The following ATP12A variants were observed in gnomAD, a reference collection of about 807,000 sequenced individuals.
The protein encoded by ATP12A is ATPase H+/K+ transporting non-gastric alpha2 subunit.
In ATP12A, 81 loss-of-function variants were observed where a neutral mutation model predicts 111.2. That is an observed-to-expected ratio of 0.73 (90% CI 0.61 to 0.88). ATP12A has a LOEUF of 0.88. Among genes scored for constraint, ATP12A ranks in the 40% least tolerant of loss-of-function variants. The pLI is 0.00. For synonymous variants in ATP12A, 498 were observed against 499.8 expected (o/e 1.00, Z 0.05); for missense variants, 1,196 against 1,313.1 (o/e 0.91, Z 1.38).
At chr13:24,688,196 T>C in intron 3 of ATP12A, 123 bp from the exon 4 acceptor site, 1 of 1,103,710 alleles carries the variant, frequency 9.1e-7, no homozygotes, top group South Asian at 1.7e-5. Context: ...TCTCGGGACC[T>C]TCTTTGGCCA....
Position 24,709,519 on chromosome 13 carries a change from G to A in ATP12A, c.2617+32G>A, listed in dbSNP as rs2289910. 69 of 1,608,068 alleles carry A rather than the reference G, an allele frequency of 4.3e-5. No individual in the cohort carries two copies. In the African/African-American group the frequency reaches 6.8e-4, roughly 16 times the overall value. On this transcript the variant is annotated intron_variant, in intron 18 of 22. Transcript: ENST00000381946. ...TGAGGGCGCGTCTTCCCCATCACACGAGGGCCTGCCCCGAGAATTCACTGG... is the reference window on the plus strand; with the variant it reads ...TGAGGGCGCGTCTTCCCCATCACACAAGGGCCTGCCCCGAGAATTCACTGG...
chr13:24,702,766 C>T (rs1219899878), intron 14 of ATP12A, among the ~76,000 whole-genome samples: 1 of 152,128 alleles, frequency 6.6e-6, no homozygotes, highest in Non-Finnish European at 1.5e-5. Context: ...GGAATCTTTC[C>T]ATCGAGCCAA....
chr13:24,690,300 C>T (rs1447504261), intron 5 of ATP12A, 38 bp from the exon 6 acceptor site: 1 of 1,608,964 alleles, frequency 6.2e-7, no homozygotes, highest in Non-Finnish European at 8.5e-7. Context: ...CGGTGTCCTT[C>T]CAGGGTCTGA....
chr13:24,711,357 G>C lies in ATP12A; in HGVS notation c.3039G>C (p.Leu1013=), dbSNP rs1339680201. 1.2e-6 allele frequency: 2 copies of C among 1,610,224 alleles called. No homozygotes were observed. The highest frequency in any genetic ancestry group is 1.7e-6 in the Non-Finnish European group (2 of 1,178,064). Residue 1013 remains leucine, a synonymous_variant, in exon 22 of 23, where the codon CTG becomes CTC. Coordinates refer to ENST00000381946, the MANE Select transcript of ATP12A (RefSeq NM_001676.7). ...TTGTGGCTGTGCCGCACGCCATCCT[G>C]ATCTGGGTGTATGATGAGGTGCGGA... ...YWFVAVPHAI[L]IWVYDEVRKL...
chr13:24,707,954 G>A (rs1439364617), intron 17 of ATP12A, among the ~76,000 whole-genome samples: 1 of 151,624 alleles, frequency 6.6e-6, no homozygotes, highest in Non-Finnish European at 1.5e-5. Context: ...CTGAGCTATA[G>A]CAAGCTTTTC....
chr13:24,700,252 C>T (rs1297920377), intron 12 of ATP12A, among the ~76,000 whole-genome samples: 3 of 152,134 alleles, frequency 2.0e-5, no homozygotes, highest in East Asian at 3.9e-4. Flanking sequence ...TCCGCTGAAC[C>T]CCCTTGTTCC....
At chr13:24,706,941 A>G (rs1875679306) in intron 15 of ATP12A, 82 bp from the exon 16 acceptor site, 3 of 1,439,104 alleles carry the variant, frequency 2.1e-6, no homozygotes, top group Non-Finnish European at 2.8e-6. Flanking sequence ...CTCAAGAGAA[A>G]GGGAAGTCTT....
At position 24,709,497 on chromosome 13, in the gene ATP12A, G is replaced by T; in HGVS notation, c.2617+10G>T. ...TCATACCTGCACATTGGTACGATGA[G>T]GGCGCGTCTTCCCCATCACACGAGG... On this transcript the variant is annotated intron_variant, in intron 18 of 22. Coordinates refer to ENST00000381946, the MANE Select transcript of ATP12A (RefSeq NM_001676.7). 7 of 1,611,778 alleles carry T rather than the reference G, an allele frequency of 4.3e-6. No individual in the cohort carries two copies. The highest frequency in any genetic ancestry group is 5.1e-6 in the Non-Finnish European group (6 of 1,178,182).
Position 24,690,725 on chromosome 13 carries a change from A to G in ATP12A, c.799+4A>G. 1 of 1,610,924 alleles carries G rather than the reference A, an allele frequency of 6.2e-7. No individual in the cohort carries two copies. The highest frequency in any genetic ancestry group is 1.1e-5 in the South Asian group (1 of 90,734). The stretch of plus-strand genomic sequence containing the variant: ...TATTCCACAACGTGTCTGGAAGGTA[A>G]AAGGCCTCTGGCTCTCAGCCCACAT... On this transcript the variant is annotated splice_donor_region_variant and intron_variant, in intron 7 of 22. Transcript: ENST00000381946.
intron 14 of ATP12A, 47 bp from the exon 15 acceptor site, chr13:24,706,266 C>G (rs778501189): frequency 5.6e-6 from 9 of 1,598,432 alleles, no homozygotes; most frequent in Non-Finnish European, 7.7e-6. Context: ...GTGTTTCAAC[C>G]TAAGATCTGC....
chr13:24,711,090 C>T (rs138565360), intron 21 of ATP12A, among the ~76,000 whole-genome samples, 197 bp downstream of exon 21: 89 of 152,364 alleles, frequency 5.8e-4, no homozygotes, highest in African/African-American at 1.9e-3. Flanking sequence ...CCTCACCAAC[C>T]GGCCTTCATC....
rs1488297460 is a variant in ATP12A at position 24,711,613 on chromosome 13, G to A, written c.*91G>A. 1 of 1,551,902 alleles carries A rather than the reference G, an allele frequency of 6.4e-7. No homozygotes were observed. The highest frequency in any genetic ancestry group is 1.4e-5 in the African/African-American group (1 of 73,380). ...TGCTGGGCTATTCCCCTGCAGTGCA[G>A]ACATCGTCAAAATTCAGACAAGAGG... is the stretch of plus-strand genomic sequence containing the variant. On this transcript the variant is annotated 3_prime_UTR_variant, in exon 23 of 23. Coordinates refer to ENST00000381946, the MANE Select transcript of ATP12A (RefSeq NM_001676.7).
At chr13:24,696,761 G>GC (rs56164634) in intron 11 of ATP12A, among the ~76,000 whole-genome samples, 37,508 of 80,798 alleles carry the variant, frequency 0.46, 12,109 homozygotes, top group South Asian at 0.61. Context: ...GGGGAGAGGG[G>GC]CTGTGTGAGT....
At chr13:24,696,768 G>A in intron 11 of ATP12A, among the ~76,000 whole-genome samples, 1 of 150,014 alleles carries the variant, frequency 6.7e-6, no homozygotes, top group Non-Finnish European at 1.5e-5. Flanking sequence ...GGGGCTGTGT[G>A]AGTTCCTGCT....
intron 17 of ATP12A, among the ~76,000 whole-genome samples, chr13:24,708,899 AG>A (rs369881274): frequency 1.6e-3 from 109 of 67,616 alleles, no homozygotes; most frequent in African/African-American, 3.5e-3. Context: ...AAAGAAAGAA[AG>A]GAAAGAAAGA....
chr13:24,708,830 GAGAA>G (rs1315315020), intron 17 of ATP12A, among the ~76,000 whole-genome samples: 16 of 148,728 alleles, frequency 1.1e-4, no homozygotes, highest in African/African-American at 3.2e-4. Context: ...AAGAGAAAGA[GAGAA>G]AGAAAGAGAG....
At chr13:24,707,642 C>A (rs1875732038) in intron 17 of ATP12A, among the ~76,000 whole-genome samples, 1 of 152,202 alleles carries the variant, frequency 6.6e-6, no homozygotes, top group Non-Finnish European at 1.5e-5. Context: ...GGACCAGAGG[C>A]ATCTGCCAAA....
chr13:24,688,278 A>G, intron 3 of ATP12A, 41 bp from the exon 4 acceptor site: 1 of 1,564,940 alleles, frequency 6.4e-7, no homozygotes, highest in Non-Finnish European at 8.7e-7. Context: ...TCTAATTCGT[A>G]TTTGTTTTGG....
intron 14 of ATP12A, among the ~76,000 whole-genome samples, chr13:24,705,860 CAG>C (rs1221678561): frequency 6.6e-6 from 1 of 152,038 alleles, no homozygotes; most frequent in Non-Finnish European, 1.5e-5. Context: ...TTTGTAGAGA[CAG>C]GGGCTCTCAC....
Sources: allele counts gnomAD v4.1 joint callset (sites outside exome capture counted in the v4.1 genomes callset), GRCh38; gene constraint gnomAD v4.1.1; transcripts MANE v1.5; gene names NCBI Gene and HGNC (gene_info 2026-07-23, HGNC 2026-07-21).